Variants in CADM2 observed in about 807,000 individuals in gnomAD.
CADM2 encodes immunoglobulin superfamily member 4D.
CADM2 carries 12 observed loss-of-function variants against 49.8 expected under a neutral mutation model. The observed-to-expected ratio is 0.24, with a 90% confidence interval of 0.15 to 0.39. The LOEUF (loss-of-function observed/expected upper bound fraction) is 0.39, where lower values mean the gene tolerates loss of function less well. CADM2 is among the 10% of genes least tolerant of loss of function. CADM2 has a pLI of 1.00. For synonymous variants in CADM2, 214 were observed against 175.4 expected, an observed-to-expected ratio of 1.22 and a Z score of -1.74; for missense variants, 378 against 492.3, an observed-to-expected ratio of 0.77 and a Z score of 2.20.
chr3:85,351,614 C>G (rs1255655808), intron 1 of CADM2, among the ~76,000 whole-genome samples: 3 of 151,864 alleles, frequency 2.0e-5, no homozygotes, highest in Non-Finnish European at 4.4e-5. Context: ...GTGTGCCTCC[C>G]AAATATGTAA....
Position 86,032,447 on chromosome 3 carries a change from T to C in CADM2, c.971-33158T>C, listed in dbSNP as rs1056544510. Among the ~76,000 whole-genome samples the C allele has an allele frequency of 1.6e-4, 25 of 151,998 alleles. 1 individual carries two copies. Among genetic ancestry groups the C allele is most frequent in the Admixed American group, 1.6e-3 (25 of 15,222 alleles). Reference sequence around the variant, plus strand: ...TGTCTTACCAATTTCTGTAATAAAATGTATCAGAAAGCAATAGCTAAAAGA... The same window carrying C: ...TGTCTTACCAATTTCTGTAATAAAACGTATCAGAAAGCAATAGCTAAAAGA... On this transcript the variant is annotated intron_variant, in intron 8 of 9. Transcript: ENST00000383699.
At chr3:85,085,280 C>T (rs1027149396) in intron 1 of CADM2, among the ~76,000 whole-genome samples, 2 of 152,066 alleles carry the variant, frequency 1.3e-5, no homozygotes, top group African/African-American at 4.8e-5. Flanking sequence ...TGGACTCTTT[C>T]AGATTCCACA....
At position 85,599,913 on chromosome 3, in the gene CADM2, T is replaced by C. The variant is rs557020277; in HGVS notation, c.62-126609T>C. ...TTAACCTGCCTAGAAATTATGTACA[T>C]AGTTAATATTAAGCCTTAAAACATT... On this transcript the variant is annotated intron_variant, in intron 1 of 9. Transcript: ENST00000383699. Among the ~76,000 whole-genome samples the C allele has an allele frequency of 6.5e-4, 21 of 32,186 alleles. No individual in the cohort carries two copies. In the Admixed American group the frequency reaches 8.2e-3, roughly 13 times the overall value. 21.1% of individuals were successfully genotyped at this position (32,186 alleles called of 152,430 possible).
chr3:85,983,067 G>A (rs528200330), intron 8 of CADM2, among the ~76,000 whole-genome samples: 42 of 151,572 alleles, frequency 2.8e-4, no homozygotes, highest in African/African-American at 1.0e-3. Context: ...TACAACTCCT[G>A]CTATTGCTGG....
chr3:85,031,815 C>A (rs7630362), intron 1 of CADM2, among the ~76,000 whole-genome samples: 1 of 152,178 alleles, frequency 6.6e-6, no homozygotes, highest in African/African-American at 2.4e-5. Context: ...CCACCACGCC[C>A]GGCCCAGATG....
intron 1 of CADM2, among the ~76,000 whole-genome samples, chr3:84,968,486 T>C (rs1175253407): frequency 2.6e-5 from 4 of 152,064 alleles, no homozygotes; most frequent in Admixed American, 6.5e-5. Flanking sequence ...GTAGGTGGTA[T>C]TCAGAGAAGG....
intron 7 of CADM2, among the ~76,000 whole-genome samples, chr3:85,947,775 T>C (rs1398751170): frequency 6.6e-6 from 1 of 151,464 alleles, no homozygotes; most frequent in Admixed American, 6.6e-5. Context: ...AGGCTGGGCA[T>C]GGGCATCTGC....
At chr3:85,443,624 C>T (rs192725124) in intron 1 of CADM2, among the ~76,000 whole-genome samples, 4 of 152,238 alleles carry the variant, frequency 2.6e-5, no homozygotes, top group Admixed American at 6.5e-5. Context: ...TATTACTTGA[C>T]CGATTTGCAG....
chr3:85,163,963 C>A (rs75744227), intron 1 of CADM2, among the ~76,000 whole-genome samples: 15,077 of 151,920 alleles, frequency 0.099, 940 homozygotes, highest in African/African-American at 0.17. Context: ...TCCCCCCAGG[C>A]AATTATTTGT....
At chr3:85,330,369 T>C (rs1376683095) in intron 1 of CADM2, among the ~76,000 whole-genome samples, 2 of 152,158 alleles carry the variant, frequency 1.3e-5, no homozygotes, top group African/African-American at 4.8e-5. Context: ...TGTTAGTATG[T>C]TTCCGTTGTG....
intron 6 of CADM2, among the ~76,000 whole-genome samples, chr3:85,929,556 T>G (rs1050563422): frequency 6.6e-6 from 1 of 151,960 alleles, no homozygotes; most frequent in Non-Finnish European, 1.5e-5. Flanking sequence ...TAAGATTATT[T>G]TAGAAAACCG....
At chr3:85,709,570 C>A (rs1036995970) in intron 1 of CADM2, among the ~76,000 whole-genome samples, 63 of 152,222 alleles carry the variant, frequency 4.1e-4, no homozygotes, top group African/African-American at 1.3e-3. Flanking sequence ...TGAGAGCAGA[C>A]CTTTTAGGTT....
intron 2 of CADM2, among the ~76,000 whole-genome samples, chr3:85,770,218 A>G (rs2070007048): frequency 6.6e-6 from 1 of 152,050 alleles, no homozygotes; most frequent in Non-Finnish European, 1.5e-5. Context: ...CCCCAATTCT[A>G]TGTGCTTATT....
chr3:85,929,577 A>G (rs1577690381), intron 6 of CADM2, among the ~76,000 whole-genome samples: 2 of 144,884 alleles, frequency 1.4e-5, no homozygotes. Context: ...TTTACATGTA[A>G]TCTATTATGC....
intron 8 of CADM2, among the ~76,000 whole-genome samples, chr3:85,991,270 G>A (rs921566185): frequency 2.6e-5 from 4 of 152,036 alleles, no homozygotes; most frequent in African/African-American, 9.6e-5. Context: ...CTCATTTTCC[G>A]TGATGACTTC....
At chr3:85,277,047 T>A (rs2043373259) in intron 1 of CADM2, among the ~76,000 whole-genome samples, 1 of 151,174 alleles carries the variant, frequency 6.6e-6, no homozygotes, top group Non-Finnish European at 1.5e-5. Context: ...AAGAAATGAG[T>A]TTGAAAAAGA....
At chr3:85,270,409 T>C (rs1205552287) in intron 1 of CADM2, among the ~76,000 whole-genome samples, 1 of 151,376 alleles carries the variant, frequency 6.6e-6, no homozygotes, top group Admixed American at 6.6e-5. Flanking sequence ...AGTCTAGACA[T>C]TTTGTGTTTC....
At chr3:85,347,223 CAAAAAAA>C (rs11331703) in intron 1 of CADM2, among the ~76,000 whole-genome samples, 97 of 46,146 alleles carry the variant, frequency 2.1e-3, no homozygotes, top group African/African-American at 7.8e-3. Flanking sequence ...CTCTGTCTCA[CAAAAAAA>C]AAAAAAAAAA....
chr3:85,190,418 G>T (rs531021614), intron 1 of CADM2, among the ~76,000 whole-genome samples: 2 of 152,050 alleles, frequency 1.3e-5, no homozygotes, highest in South Asian at 4.2e-4. Context: ...CATCTTAAAT[G>T]AGAGTTAGTA....
Sources: allele counts gnomAD v4.1 joint callset (sites outside exome capture counted in the v4.1 genomes callset), GRCh38; gene constraint gnomAD v4.1.1; transcripts MANE v1.5; gene names NCBI Gene and HGNC (gene_info 2026-07-23, HGNC 2026-07-21).